COBL: variants seen among roughly 807,000 people sequenced by gnomAD.
The protein encoded by COBL is cordon-bleu WH2 repeat protein, also known as protein cordon-bleu.
A neutral mutation model predicts 98.8 loss-of-function variants in COBL; 51 were observed. The ratio of observed to expected loss-of-function variants is 0.52; its 90% CI spans 0.41 to 0.65. The LOEUF is 0.65. Among genes scored for constraint, COBL ranks in the 30% least tolerant of loss-of-function variants. The pLI is 0.00. For missense variants in COBL, 1,617 were observed against 1,617.5 expected, an observed-to-expected ratio of 1.00 and a Z score of 0.01; for synonymous variants, 634 against 651.7, an observed-to-expected ratio of 0.97 and a Z score of 0.41.
chr7:51,147,326 A>G (rs1583959874), intron 5 of COBL, among the ~76,000 whole-genome samples: 1 of 152,250 alleles, frequency 6.6e-6, no homozygotes, highest in Non-Finnish European at 1.5e-5. Flanking sequence ...TTGGTGCTGT[A>G]AAGAAATAGC....
intron 6 of COBL, among the ~76,000 whole-genome samples, chr7:51,108,648 C>T (rs62448308): frequency 6.6e-6 from 1 of 152,100 alleles, no homozygotes; most frequent in Non-Finnish European, 1.5e-5. Context: ...GTTACTCCAC[C>T]TTCGTTCCCT....
At chr7:51,166,453 C>T (rs1787327734) in intron 5 of COBL, among the ~76,000 whole-genome samples, 1 of 151,936 alleles carries the variant, frequency 6.6e-6, no homozygotes, top group African/African-American at 2.4e-5. Context: ...AATATTGAAG[C>T]CATAATAAAA....
chr7:51,248,029 C>T (rs757866116), intron 1 of COBL, among the ~76,000 whole-genome samples: 4 of 151,946 alleles, frequency 2.6e-5, no homozygotes, highest in Non-Finnish European at 4.4e-5. Context: ...ATCCCACCTA[C>T]TCGGGAGGCT....
chr7:51,214,032 G>A lies in COBL; in HGVS notation c.245+5709C>T, dbSNP rs369651373. Among the ~76,000 whole-genome samples the A allele has an allele frequency of 1.1e-4, 16 of 152,168 alleles. No homozygotes were observed. In the East Asian group the frequency reaches 1.9e-3, roughly 18 times the overall value. On this transcript the variant is annotated intron_variant, in intron 2 of 12. Transcript: ENST00000265136. The stretch of plus-strand genomic sequence containing the variant: ...TGTAATCCCAGCACTTTGGGAGGCC[G>A]AGGCAGGCAGATCACTTGAGGTCAG...
chr7:51,030,733 A>G, intron 9 of COBL, 79 bp downstream of exon 9: 1 of 903,758 alleles, frequency 1.1e-6, no homozygotes, highest in Non-Finnish European at 1.8e-6. Flanking sequence ...GATACATCAA[A>G]GTATGCTCAG....
At chr7:51,251,437 A>C (rs140204770) in intron 1 of COBL, among the ~76,000 whole-genome samples, 1,659 of 152,326 alleles carry the variant, frequency 0.011, 15 homozygotes, top group Non-Finnish European at 0.017. Context: ...AGGTGTGACA[A>C]CTTAAACCAC....
chr7:51,073,077 G>T, intron 7 of COBL: 1 of 343,222 alleles, frequency 2.9e-6, no homozygotes, highest in Non-Finnish European at 5.2e-6. Flanking sequence ...GTTCTTCACA[G>T]GAACATTTCC....
In COBL at chr7:51,026,594, T is replaced by C. The variant is rs775231614; in HGVS notation, c.3456A>G (p.Ala1152=). Residue 1152 remains alanine (A), a synonymous_variant, in exon 11 of 13, where the codon GCA becomes GCG. Coordinates refer to ENST00000265136, the MANE Select transcript of COBL (RefSeq NM_015198.5). ...TGTGCCCGCGGATAGCTGCCAGCAG[T>C]GCAGATCGTTCGCCCTCTGCCTCCG... ...SYTEAEGERS[A]LLAAIRGHSG... 1 of 1,614,194 alleles carries C rather than the reference T, an allele frequency of 6.2e-7. No homozygotes were observed. The highest frequency in any genetic ancestry group is 1.1e-5 in the South Asian group (1 of 91,088).
intron 1 of COBL, among the ~76,000 whole-genome samples, chr7:51,275,332 T>A (rs1291732088): frequency 6.6e-6 from 1 of 152,158 alleles, no homozygotes; most frequent in East Asian, 1.9e-4. Context: ...ATCCTCCTGG[T>A]TTTTTCCCTC....
At chr7:51,230,288 C>G (rs565327844) in intron 1 of COBL, among the ~76,000 whole-genome samples, 1 of 152,284 alleles carries the variant, frequency 6.6e-6, no homozygotes, top group East Asian at 1.9e-4. Flanking sequence ...AAGAGCTCTC[C>G]GGGGCACCAC....
chr7:51,164,761 T>C (rs757919870), intron 5 of COBL, among the ~76,000 whole-genome samples: 2 of 152,064 alleles, frequency 1.3e-5, no homozygotes, highest in Non-Finnish European at 2.9e-5. Flanking sequence ...TTATCCTAAG[T>C]AGAAAGACTA....
At chr7:51,153,219 T>C (rs905659596) in intron 5 of COBL, among the ~76,000 whole-genome samples, 3 of 152,234 alleles carry the variant, frequency 2.0e-5, no homozygotes, top group South Asian at 2.1e-4. Context: ...ACTGGCATCA[T>C]ACAAAAGTTG....
At chr7:51,091,393 A>C (rs1455478149) in intron 6 of COBL, among the ~76,000 whole-genome samples, 2 of 152,240 alleles carry the variant, frequency 1.3e-5, no homozygotes, top group Non-Finnish European at 2.9e-5. Context: ...TAAAAAGTTC[A>C]CTGGAGGAGT....
chr7:51,193,649 G>C, intron 2 of COBL, 60 bp from the exon 3 acceptor site: 1 of 1,470,162 alleles, frequency 6.8e-7, no homozygotes. Context: ...CTTTTGCCTG[G>C]CTAAATAAGG....
At chr7:51,208,518 G>C (rs558566709) in intron 2 of COBL, among the ~76,000 whole-genome samples, 484 of 152,272 alleles carry the variant, frequency 3.2e-3, no homozygotes, top group Non-Finnish European at 5.1e-3. Context: ...CTGCTGGGAA[G>C]TGAGGAGCCC....
At chr7:51,104,965 C>T (rs1796126627) in intron 6 of COBL, among the ~76,000 whole-genome samples, 1 of 151,950 alleles carries the variant, frequency 6.6e-6, no homozygotes, top group Admixed American at 6.6e-5. Flanking sequence ...TGGGGGTCAG[C>T]CCATAAAAGG....
At chr7:51,222,899 C>T (rs1793790864) in intron 1 of COBL, among the ~76,000 whole-genome samples, 3 of 152,102 alleles carry the variant, frequency 2.0e-5, no homozygotes. Flanking sequence ...CCACACTTAT[C>T]CCCAACAAAT....
chr7:51,308,071 G>A (rs979724332), intron 1 of COBL, among the ~76,000 whole-genome samples: 3 of 152,330 alleles, frequency 2.0e-5, no homozygotes, highest in South Asian at 2.1e-4. Flanking sequence ...GTGGGCGGAC[G>A]GGAAAGCCTG....
At chr7:51,172,496 T>A (rs1236125005) in intron 5 of COBL, 1 of 1,288,154 alleles carries the variant, frequency 7.8e-7, no homozygotes, top group African/African-American at 1.5e-5. Flanking sequence ...GGTGTCCTCA[T>A]CGCTGTCTGC....
Sources: allele counts gnomAD v4.1 joint callset (sites outside exome capture counted in the v4.1 genomes callset), GRCh38; gene constraint gnomAD v4.1.1; transcripts MANE v1.5; gene names NCBI Gene and HGNC (gene_info 2026-07-23, HGNC 2026-07-21).